NDUFB6: variants seen among roughly 807,000 people sequenced by gnomAD.
The protein encoded by NDUFB6 is NADH dehydrogenase [ubiquinone] 1 beta subcomplex subunit 6.
NDUFB6 carries 23 observed loss-of-function variants against 17.5 expected under a neutral mutation model. The ratio of observed to expected loss-of-function variants is 1.31; its 90% CI spans 0.94 to 1.86. NDUFB6 has a LOEUF of 1.86. NDUFB6 is among the 40% of genes most tolerant of loss of function. The pLI is 0.00. For synonymous variants in NDUFB6, 60 were observed against 53.5 expected (o/e 1.12, Z -0.53); for missense variants, 167 against 153.8 (o/e 1.09, Z -0.46).
chr9:32,573,131 C>A lies in NDUFB6; in HGVS notation c.-71G>T, dbSNP rs1587654462. On this transcript the variant is annotated 5_prime_UTR_variant, in exon 1 of 4. Transcript: ENST00000379847. The stretch of plus-strand genomic sequence containing the variant: ...TACGGACTAGTTACTTAAGCGCGCT[C>A]CCGCTCTGCAAAGCGACCTTGCGGG... 1.3e-5 allele frequency: 19 copies of A among 1,425,386 alleles called. No individual in the cohort carries two copies. Among genetic ancestry groups the A allele is most frequent in the Non-Finnish European group, 1.7e-5 (18 of 1,083,226 alleles). 88.3% of individuals were successfully genotyped at this position (1,425,386 alleles called of 1,614,324 possible).
At chr9:32,568,798 T>G (rs1821878839) in intron 2 of NDUFB6, among the ~76,000 whole-genome samples, 1 of 142,842 alleles carries the variant, frequency 7.0e-6, no homozygotes, top group Non-Finnish European at 1.5e-5. Flanking sequence ...TTGCCCAGGA[T>G]GGAGTGCAGT....
intron 1 of NDUFB6, among the ~76,000 whole-genome samples, chr9:32,571,261 C>G (rs546834032): frequency 9.9e-5 from 15 of 151,486 alleles, no homozygotes; most frequent in Admixed American, 2.0e-4. Flanking sequence ...AAGTCCAGAC[C>G]AAAATGCTTA....
intron 3 of NDUFB6, among the ~76,000 whole-genome samples, chr9:32,555,067 T>G (rs936051029): frequency 6.6e-6 from 1 of 151,402 alleles, no homozygotes; most frequent in Middle Eastern, 3.2e-3. Context: ...AACACTTTGG[T>G]GCACGCTAGA....
rs1331536575 is a variant in NDUFB6, at chr9:32,553,070, G to C, written c.*806C>G. On this transcript the variant is annotated 3_prime_UTR_variant, in exon 4 of 4. Transcript: ENST00000379847. Reference sequence around the variant, plus strand: ...CTAGTATGCAAATTTTTCACTTAGAGATTTTAGTATTTTACATTCTCATGA... The same window carrying C: ...CTAGTATGCAAATTTTTCACTTAGACATTTTAGTATTTTACATTCTCATGA... The C allele has an allele frequency of 1.9e-6, 1 of 517,908 alleles. No homozygotes were observed. Among genetic ancestry groups the C allele is most frequent in the African/African-American group, 1.9e-5 (1 of 51,726 alleles). 32.1% of individuals were successfully genotyped at this position (517,908 alleles called of 1,614,324 possible). A position where few individuals can be genotyped will look rare whatever the true frequency, so the allele number is the denominator to read the frequency against.
chr9:32,566,218 T>C (rs918700963), intron 2 of NDUFB6: 7 of 840,792 alleles, frequency 8.3e-6, no homozygotes, highest in Admixed American at 5.2e-5. Flanking sequence ...GTTCAGGTCA[T>C]AGCTGGTTTT....
At chr9:32,557,691 C>A (rs776879642) in intron 3 of NDUFB6, among the ~76,000 whole-genome samples, 3 of 151,952 alleles carry the variant, frequency 2.0e-5, no homozygotes, top group Non-Finnish European at 4.4e-5. Context: ...GTTGGCCAGG[C>A]TGGTCTCGAA....
Position 32,553,630 on chromosome 9 carries a change from CTT to C in NDUFB6, c.*244_*245del, listed in dbSNP as rs759987093. 1 of 443,852 alleles carries C rather than the reference CTT, an allele frequency of 2.3e-6. No individual in the cohort carries two copies. Among genetic ancestry groups the C allele is most frequent in the East Asian group, 4.4e-5 (1 of 22,936 alleles). The allele number at this position is 443,852 out of a possible 1,614,324, so 27.5% of individuals were successfully genotyped here. On this transcript the variant is annotated 3_prime_UTR_variant, in exon 4 of 4. Transcript: ENST00000379847. The stretch of plus-strand genomic sequence containing the variant: ...AAACAAACAAACATGTAACTAAATA[CTT>C]TTCCATACCGTTTTCCAAGTCAAGA...
In NDUFB6 at chr9:32,572,967, C is replaced by G; in HGVS notation, c.94G>C (p.Glu32Gln). 1 of 1,611,840 alleles carries G rather than the reference C, an allele frequency of 6.2e-7. No individual in the cohort carries two copies. The highest frequency in any genetic ancestry group is 8.5e-7 in the Non-Finnish European group (1 of 1,178,890). ...ATCTTCTGTGGGGGCAGCACCGGCTCCCGAGGGCTCAGCTCCTGGTCCTTC... is the reference window on the plus strand; with the variant it reads ...ATCTTCTGTGGGGGCAGCACCGGCTGCCGAGGGCTCAGCTCCTGGTCCTTC... ...WLKDQELSPR[E>Q]PVLPPQKMGP... is the part of the protein sequence containing the mutation. The change falls in exon 1 of 4, where the codon GAG becomes CAG. Residue 32 changes from glutamate to glutamine, a missense_variant. Physicochemically the swap from Glu to Gln is conservative, Grantham distance 29. Coordinates refer to ENST00000379847, the MANE Select transcript of NDUFB6 (RefSeq NM_002493.5).
intron 2 of NDUFB6, chr9:32,566,961 G>A (rs1239910902): frequency 3.9e-5 from 20 of 517,344 alleles, no homozygotes; most frequent in South Asian, 1.9e-4. Flanking sequence ...GCACCAGCTC[G>A]GCATCGTCGA....
rs1691953255 is a variant in NDUFB6, at chr9:32,553,355, A to G, written c.*521T>C. 1.2e-5 allele frequency: 2 copies of G among 167,630 alleles called. No homozygotes were observed. The highest frequency in any genetic ancestry group is 1.2e-4 in the Admixed American group (2 of 16,590). The allele number at this position is 167,630 out of a possible 1,614,324, so 10.4% of individuals were successfully genotyped here. A position where few individuals can be genotyped will look rare whatever the true frequency, so the allele number is the denominator to read the frequency against. On this transcript the variant is annotated 3_prime_UTR_variant, in exon 4 of 4. Transcript: ENST00000379847. ...AGGAGCCCGCCACCACGCCCGGCTA[A>G]TTTTTTTGTATTTTTAGTAGGGACG...
intron 2 of NDUFB6, chr9:32,567,326 G>GACACAGAATCTGT (rs1439099803): frequency 2.1e-6 from 1 of 469,618 alleles, no homozygotes. Flanking sequence ...GCCATATTTT[G>GACACAGAATCTGT]GTAATTCTCC....
In NDUFB6 at chr9:32,562,173, T is replaced by C. The variant is rs1821644344; in HGVS notation, c.274-3219A>G. On this transcript the variant is annotated intron_variant, in intron 2 of 3. Transcript: ENST00000379847. Reference sequence around the variant, plus strand: ...TCCATATGTTTGCTTCTAACAGGAATTAACTTTTTTCCTCCGTACTCTTTC... The same window carrying C: ...TCCATATGTTTGCTTCTAACAGGAACTAACTTTTTTCCTCCGTACTCTTTC... 2.6e-5 allele frequency among the ~76,000 whole-genome samples: 4 copies of C among 152,194 alleles called. No homozygotes were observed. The South Asian group carries it at 8.3e-4, about 32-fold the overall frequency.
At chr9:32,570,652 A>T (rs1821916902) in intron 2 of NDUFB6, among the ~76,000 whole-genome samples, 1 of 152,204 alleles carries the variant, frequency 6.6e-6, no homozygotes, top group South Asian at 2.1e-4. Context: ...AAAAAGGAGC[A>T]GAATTGTTTT....
chr9:32,570,104 T>C (rs1163394547), intron 2 of NDUFB6, among the ~76,000 whole-genome samples: 1 of 152,128 alleles, frequency 6.6e-6, no homozygotes, highest in African/African-American at 2.4e-5. Flanking sequence ...CTGCCTCACC[T>C]CATTCAGGTT....
At position 32,567,474 on chromosome 9, in the gene NDUFB6, G is replaced by A. The variant is rs760773526; in HGVS notation, c.273+3486C>T. On this transcript the variant is annotated intron_variant, in intron 2 of 3. Transcript: ENST00000379847. ...CTCCCCAGTAGCTGGGACTACAGAC[G>A]TGCACCAAGCCCGGCTAATTTTTGT... The A allele has an allele frequency of 1.6e-5, 7 of 436,182 alleles. No individual in the cohort carries two copies. In the East Asian group the frequency reaches 2.1e-4, roughly 13 times the overall value. 27.0% of individuals were successfully genotyped at this position (436,182 alleles called of 1,614,324 possible).
chr9:32,565,896 C>T (rs961832788), intron 2 of NDUFB6, among the ~76,000 whole-genome samples: 4 of 152,048 alleles, frequency 2.6e-5, no homozygotes, highest in African/African-American at 9.7e-5. Context: ...CACTTGAACC[C>T]GGGAGGCGGA....
At chr9:32,554,087 G>A in intron 3 of NDUFB6, 143 bp from the exon 4 acceptor site, 1 of 508,402 alleles carries the variant, frequency 2.0e-6, no homozygotes, top group East Asian at 3.1e-5. Flanking sequence ...AGACAAAGTA[G>A]AAGCTGACTA....
rs1821694758 is a variant in NDUFB6 at position 32,563,668 on chromosome 9, C to T, written c.274-4714G>A. On this transcript the variant is annotated intron_variant, in intron 2 of 3. Transcript: ENST00000379847. ...TGTTCCTTAGCTGAATTAAATATTA[C>T]TATGATGATTCTCAAATGGTAATTT... 2.0e-5 allele frequency among the ~76,000 whole-genome samples: 3 copies of T among 152,082 alleles called. No homozygotes were observed. In the South Asian group the frequency reaches 6.2e-4, roughly 31 times the overall value.
chr9:32,562,492 C>T (rs1169352496), intron 2 of NDUFB6, among the ~76,000 whole-genome samples: 1 of 152,198 alleles, frequency 6.6e-6, no homozygotes, highest in Non-Finnish European at 1.5e-5. Flanking sequence ...AATAGGCTAA[C>T]AGAAAGCCAA....
Sources: gnomAD v4.1 joint callset for allele counts (sites outside exome capture counted in the v4.1 genomes callset) on GRCh38, gnomAD v4.1.1 for gene constraint, MANE v1.5 for transcripts, NCBI Gene and HGNC (gene_info 2026-07-23, HGNC 2026-07-21) for gene names.